The following DPP6 variants were observed in gnomAD, a reference collection of about 807,000 sequenced individuals.
DPP6 encodes A-type potassium channel modulatory protein DPP6.
A neutral mutation model predicts 122.6 loss-of-function variants in DPP6; 69 were observed. The observed-to-expected ratio is 0.56, with a 90% CI of 0.46 to 0.69. The LOEUF is 0.69. DPP6 is among the 30% of genes least tolerant of loss of function. DPP6 has a pLI of 0.00. For missense variants in DPP6, 928 were observed against 1,116.9 expected (o/e 0.83, Z 2.41); for synonymous variants, 418 against 433.1 (o/e 0.97, Z 0.43).
chr7:153,807,159 C>T, the DPP6 span, among the ~76,000 whole-genome samples: 15,610 of 151,706 alleles, frequency 0.1, 1,212 homozygotes, highest in African/African-American at 0.21. Context: ...ACACCTGTAA[C>T]CCCAGCACTT....
intron 16 of DPP6, among the ~76,000 whole-genome samples, chr7:154,837,364 AC>A (rs1801168622): frequency 6.6e-6 from 1 of 151,764 alleles, no homozygotes. Context: ...ATGCATGCAT[AC>A]AGGCACATTC....
intron 1 of DPP6, among the ~76,000 whole-genome samples, chr7:154,159,387 A>T (rs773687836): frequency 1.2e-4 from 19 of 152,016 alleles, no homozygotes; most frequent in Non-Finnish European, 1.9e-4. Flanking sequence ...CTTCCTGTGG[A>T]TTTTTACCTT....
rs577192845 is a variant in DPP6, at chr7:154,868,695, T to G, written c.1813+602T>G. On this transcript the variant is annotated intron_variant, in intron 18 of 25. Transcript: ENST00000377770. ...CATTAGCTGGACCTGGACTCACAGC[T>G]CTAGGAGGGAGGCAGAGCCTCGGAG... Among the ~76,000 whole-genome samples the G allele has an allele frequency of 8.5e-5, 13 of 152,268 alleles. No individual in the cohort carries two copies. The East Asian group carries it at 1.9e-3, about 23-fold the overall frequency.
At chr7:154,240,190 C>T (rs562727184) in intron 1 of DPP6, among the ~76,000 whole-genome samples, 20 of 152,034 alleles carry the variant, frequency 1.3e-4, no homozygotes. Context: ...AGGATCAACT[C>T]TTCGTTATTT....
the DPP6 span, among the ~76,000 whole-genome samples, chr7:153,868,592 A>C: frequency 2.6e-5 from 4 of 151,916 alleles, no homozygotes; most frequent in East Asian, 1.9e-4. Context: ...TTGATCTTTT[A>C]AAAAAACCAG....
chr7:154,398,301 A>G (rs1815267916), intron 1 of DPP6, among the ~76,000 whole-genome samples: 1 of 152,210 alleles, frequency 6.6e-6, no homozygotes, highest in African/African-American at 2.4e-5. Context: ...ATAATTGCCT[A>G]AGATCTCTCA....
chr7:153,856,341 G>A, the DPP6 span, among the ~76,000 whole-genome samples: 39 of 152,168 alleles, frequency 2.6e-4, no homozygotes, highest in Non-Finnish European at 5.0e-4. Flanking sequence ...CTCCAGATTT[G>A]TATGAGGCTT....
intron 3 of DPP6, among the ~76,000 whole-genome samples, chr7:154,532,035 A>AACC (rs1354114745): frequency 4.6e-5 from 7 of 152,100 alleles, no homozygotes; most frequent in Non-Finnish European, 8.8e-5. Flanking sequence ...GATAAACCCA[A>AACC]ACCCAGCCAT....
intron 1 of DPP6, among the ~76,000 whole-genome samples, chr7:154,432,453 G>T (rs1417701001): frequency 6.6e-6 from 1 of 152,170 alleles, no homozygotes; most frequent in Non-Finnish European, 1.5e-5. Flanking sequence ...GACAAAAAGA[G>T]GCCAGTGTGG....
At position 153,979,861 on chromosome 7, in the gene DPP6, G is replaced by A. The variant is rs2907047; in HGVS notation, c.51+92127G>A. Among the ~76,000 whole-genome samples the A allele has an allele frequency of 4.3e-3, 661 of 152,244 alleles. 3 individuals carry two copies. The highest frequency in any genetic ancestry group is 0.015 in the African/African-American group (619 of 41,558). ...ATGTATTATGTTTATTGATTTGCAT[G>A]TGTTGAACCACCCTTACATCCCAGA... On this transcript the variant is annotated intron_variant, in intron 1 of 25. Transcript: ENST00000404039.
At chr7:154,163,793 G>T (rs1368971987) in intron 1 of DPP6, among the ~76,000 whole-genome samples, 2 of 152,188 alleles carry the variant, frequency 1.3e-5, no homozygotes, top group Non-Finnish European at 2.9e-5. Flanking sequence ...TGGAGCTATA[G>T]GGGTGGGAAG....
intron 5 of DPP6, among the ~76,000 whole-genome samples, chr7:154,626,404 A>G (rs1157164341): frequency 6.6e-6 from 1 of 152,178 alleles, no homozygotes; most frequent in Middle Eastern, 3.2e-3. Flanking sequence ...ATTTAGAGGC[A>G]TCCTCGGTTT....
At chr7:154,691,588 G>A (rs1199788071) in intron 7 of DPP6, among the ~76,000 whole-genome samples, 2 of 152,302 alleles carry the variant, frequency 1.3e-5, no homozygotes, top group East Asian at 1.9e-4. Flanking sequence ...GGGAAGCCGA[G>A]GCGGGTGGAT....
chr7:154,182,558 C>CG (rs1359328102), intron 1 of DPP6, among the ~76,000 whole-genome samples: 2 of 152,214 alleles, frequency 1.3e-5, no homozygotes, highest in Admixed American at 6.5e-5. Context: ...AACATGTGCC[C>CG]GGGGGAGGTG....
At chr7:154,427,592 C>T (rs371333421) in intron 1 of DPP6, among the ~76,000 whole-genome samples, 5 of 152,290 alleles carry the variant, frequency 3.3e-5, no homozygotes, top group African/African-American at 1.2e-4. Context: ...GGTATTTAGA[C>T]ATTGATTTTC....
intron 4 of DPP6, among the ~76,000 whole-genome samples, chr7:154,549,865 G>A (rs76548710): frequency 0.028 from 4,207 of 152,256 alleles, 192 homozygotes; most frequent in African/African-American, 0.094. Flanking sequence ...GGCCTTAACT[G>A]TGGAGGCATA....
intron 1 of DPP6, among the ~76,000 whole-genome samples, chr7:154,411,633 C>T (rs971174292): frequency 2.6e-5 from 4 of 152,284 alleles, no homozygotes; most frequent in Non-Finnish European, 5.9e-5. Context: ...AGAAATTCTA[C>T]CCCACAAGAC....
intron 1 of DPP6, among the ~76,000 whole-genome samples, chr7:154,259,612 G>A (rs1169127075): frequency 6.6e-6 from 1 of 152,182 alleles, no homozygotes; most frequent in Non-Finnish European, 1.5e-5. Flanking sequence ...TGGGCTGGCT[G>A]TGATAAATAC....
the DPP6 span, among the ~76,000 whole-genome samples, chr7:153,774,106 T>G: frequency 6.6e-6 from 1 of 151,808 alleles, no homozygotes; most frequent in South Asian, 2.1e-4. Flanking sequence ...GTACCAATTA[T>G]GTTGACTGAA....
Sources: allele counts gnomAD v4.1 joint callset (sites outside exome capture counted in the v4.1 genomes callset), GRCh38; gene constraint gnomAD v4.1.1; transcripts MANE v1.5; gene names NCBI Gene and HGNC (gene_info 2026-07-23, HGNC 2026-07-21).